The following MALAT1 variants were observed in gnomAD, a reference collection of about 807,000 sequenced individuals.
MALAT1 encodes hepcarcin.
chr11:65,505,643 G>A (rs374746294), intron 3 of MALAT1: 254 of 518,908 alleles, frequency 4.9e-4, no homozygotes, highest in Non-Finnish European at 7.9e-4. Context: ...TTGTGGGCAT[G>A]ATCCATAATC....
chr11:65,505,710 G>A (rs1854671765), intron 3 of MALAT1: 1 of 518,858 alleles, frequency 1.9e-6, no homozygotes. Flanking sequence ...TGTTAGAAAA[G>A]GCCATTAATT....
At position 65,499,106 on chromosome 11, in the gene MALAT1, C is replaced by T. The variant is rs371155719; in HGVS notation, n.369C>T. ...GGGGGCAGGCGGAGCTTGAGGAAAC[C>T]GCAGATAAGTTTTTTTCTCTTTGAA... On this transcript the variant is annotated non_coding_transcript_exon_variant, in exon 3 of 4. Transcript: ENST00000619449. 7 of 518,082 alleles carry T rather than the reference C, an allele frequency of 1.4e-5. No homozygotes were observed. In the East Asian group the frequency reaches 2.2e-4, roughly 16 times the overall value. 32.1% of individuals were successfully genotyped at this position (518,082 alleles called of 1,614,324 possible). A position where few individuals can be genotyped will look rare whatever the true frequency, so the allele number is the denominator to read the frequency against.
At chr11:65,498,459 C>T (rs1362772732) in intron 1 of MALAT1, 1 of 518,592 alleles carries the variant, frequency 1.9e-6, no homozygotes, top group South Asian at 1.4e-5. Context: ...AGTGGGTTTT[C>T]ACGTTTCTAA....
chr11:65,504,770 T>C (rs1299770977), intron 3 of MALAT1: 1 of 518,924 alleles, frequency 1.9e-6, no homozygotes, highest in Non-Finnish European at 3.8e-6. Flanking sequence ...GTGCATTGTT[T>C]ATGTGTGGGT....
At chr11:65,498,307 C>A (rs1353388963) in intron 1 of MALAT1, 3 of 518,262 alleles carry the variant, frequency 5.8e-6, no homozygotes, top group Non-Finnish European at 1.2e-5. Context: ...AGCTGAAAAA[C>A]GGTAGAAAAA....
Position 65,498,597 on chromosome 11 carries a change from C to T in MALAT1, n.179-85C>T, listed in dbSNP as rs762332313. 5 of 518,722 alleles carry T rather than the reference C, an allele frequency of 9.6e-6. No homozygotes were observed. The East Asian group carries it at 1.6e-4, about 17-fold the overall frequency. The allele number at this position is 518,722 out of a possible 1,614,324, so 32.1% of individuals were successfully genotyped here. A position where few individuals can be genotyped will look rare whatever the true frequency, so the allele number is the denominator to read the frequency against. ...GAGAAAGTCCGCCATTTTGCCACTTCTCAACCGTCCCTGCAAGGCTGGGGC... is the reference window on the plus strand; with the variant it reads ...GAGAAAGTCCGCCATTTTGCCACTTTTCAACCGTCCCTGCAAGGCTGGGGC... On this transcript the variant is annotated intron_variant and non_coding_transcript_variant, in intron 1 of 3. Coordinates refer to ENST00000619449, the Ensembl canonical transcript of MALAT1.
rs181273779 is a variant in MALAT1, at chr11:65,505,785, T to C, written n.5169-475T>C. 9.0e-4 allele frequency: 465 copies of C among 515,942 alleles called. 1 individual carries two copies. Among genetic ancestry groups the C allele is most frequent in the Non-Finnish European group, 1.4e-3 (351 of 258,240 alleles). The allele number at this position is 515,942 out of a possible 1,614,324, so 32.0% of individuals were successfully genotyped here. A position where few individuals can be genotyped will look rare whatever the true frequency, so the allele number is the denominator to read the frequency against. On this transcript the variant is annotated intron_variant and non_coding_transcript_variant, in intron 3 of 3. Transcript: ENST00000619449. ...CTAAGTAGCTCTATTATAATACTTATCCAGTGACTAAAACCAACTTAAACC... is the reference window on the plus strand; with the variant it reads ...CTAAGTAGCTCTATTATAATACTTACCCAGTGACTAAAACCAACTTAAACC...
At chr11:65,499,410 A>G (rs769603630) in exon 3 of MALAT1, 44 of 484,338 alleles carry the variant, frequency 9.1e-5, no homozygotes, top group Non-Finnish European at 1.7e-4. Context: ...CAATGCTTTT[A>G]GATTAAAATG....
chr11:65,501,122 TCA>T, exon 3 of MALAT1: 1 of 517,486 alleles, frequency 1.9e-6, no homozygotes, highest in South Asian at 1.4e-5. Context: ...ATGAAGTATT[TCA>T]GTTTTGTGAA....
intron 3 of MALAT1, chr11:65,504,183 T>G (rs1236801066): frequency 1.9e-6 from 1 of 517,192 alleles, no homozygotes; most frequent in Non-Finnish European, 3.9e-6. Flanking sequence ...TGCATATGAG[T>G]GCTTGGCTCT....
exon 3 of MALAT1, chr11:65,500,353 T>G (rs778815079): frequency 2.3e-5 from 12 of 518,604 alleles, no homozygotes; most frequent in Admixed American, 1.9e-5. Context: ...GAGTTAAGAT[T>G]ATTTTTTAAA....
At chr11:65,498,453 G>C in intron 1 of MALAT1, 1 of 518,584 alleles carries the variant, frequency 1.9e-6, no homozygotes, top group South Asian at 1.4e-5. Flanking sequence ...TCCAAGAGTG[G>C]GTTTTCACGT....
chr11:65,497,996 C>T (rs746097171), intron 1 of MALAT1: 8 of 518,802 alleles, frequency 1.5e-5, no homozygotes, highest in Admixed American at 3.9e-5. Context: ...GATAAAACCA[C>T]TCAAACTCTG....
exon 3 of MALAT1, chr11:65,503,894 C>T (rs369950361): frequency 2.5e-5 from 13 of 517,852 alleles, no homozygotes; most frequent in East Asian, 1.6e-4. Context: ...GAATAAATAA[C>T]CTCTTAGACA....
At chr11:65,502,337 G>A in exon 3 of MALAT1, 1 of 515,204 alleles carries the variant, frequency 1.9e-6, no homozygotes, top group Non-Finnish European at 3.9e-6. Flanking sequence ...CAGAGCAAAG[G>A]AAGTGGCTTA....
chr11:65,501,910 G>A, exon 3 of MALAT1: 3 of 517,356 alleles, frequency 5.8e-6, no homozygotes, highest in South Asian at 1.4e-5. Flanking sequence ...GGTGGGTTTA[G>A]GTAATTGTTT....
chr11:65,499,557 C>T (rs771212312), exon 3 of MALAT1: 17 of 456,480 alleles, frequency 3.7e-5, no homozygotes, highest in Middle Eastern at 3.2e-4. Context: ...AGAATTGCGT[C>T]ATTTAAAGCC....
At chr11:65,505,197 C>CTA (rs1360258083) in intron 3 of MALAT1, 1 of 518,648 alleles carries the variant, frequency 1.9e-6, no homozygotes, top group East Asian at 5.4e-5. Flanking sequence ...GTACCCCTCA[C>CTA]TAAAGGCACC....
At chr11:65,502,638 C>T (rs886188363) in exon 3 of MALAT1, 6 of 475,816 alleles carry the variant, frequency 1.3e-5, no homozygotes, top group Non-Finnish European at 2.4e-5. Flanking sequence ...TTTCTATAGA[C>T]TTTTTTCAGA....
Sources: allele counts gnomAD v4.1 joint callset, GRCh38; gene constraint gnomAD v4.1.1; transcripts MANE v1.5; gene names NCBI Gene and HGNC (gene_info 2026-07-23, HGNC 2026-07-21).